The following DDX10 variants were observed in gnomAD, a reference collection of about 807,000 sequenced individuals.
The protein encoded by DDX10 is probable ATP-dependent RNA helicase DDX10.
In DDX10, 74 loss-of-function variants were observed where a neutral mutation model predicts 104.3. The observed-to-expected ratio is 0.71, with a 90% CI of 0.59 to 0.86. The LOEUF (loss-of-function observed/expected upper bound fraction) is 0.86, where lower values mean the gene tolerates loss of function less well. Ranked by LOEUF, DDX10 falls within the 40% of genes least tolerant of loss-of-function variation. The pLI is 0.00. For missense variants in DDX10, 952 were observed against 1,040.0 expected (o/e 0.92, Z 1.16); for synonymous variants, 351 against 353.4 (o/e 0.99, Z 0.08).
At chr11:108,745,070 CCCCCTTCCCTTCCTTT>C (rs2094329855) in intron 13 of DDX10, among the ~76,000 whole-genome samples, 1 of 101,948 alleles carries the variant, frequency 9.8e-6, no homozygotes, top group South Asian at 4.7e-4. Flanking sequence ...CTTCCCCCTT[CCCCCTTCCCTTCCTTT>C]CCTTCTTCCT....
chr11:108,923,120 G>A (rs1231718294), intron 17 of DDX10, among the ~76,000 whole-genome samples: 1 of 152,170 alleles, frequency 6.6e-6, no homozygotes, highest in Admixed American at 6.5e-5. Flanking sequence ...ATAGATGTTA[G>A]GATTTGTTGT....
chr11:108,672,062 GA>G (rs55845865), intron 1 of DDX10, among the ~76,000 whole-genome samples: 28,925 of 68,852 alleles, frequency 0.42, 4,591 homozygotes, highest in Non-Finnish European at 0.5. Flanking sequence ...CTCCATCTCG[GA>G]AAAAAAAAAA....
At chr11:108,701,214 T>C (rs906793039) in intron 9 of DDX10, among the ~76,000 whole-genome samples, 1 of 152,152 alleles carries the variant, frequency 6.6e-6, no homozygotes, top group Non-Finnish European at 1.5e-5. Context: ...AGCTCTCCTT[T>C]GTACCATGTT....
At chr11:108,705,029 C>A (rs1454781667) in intron 9 of DDX10, among the ~76,000 whole-genome samples, 2 of 152,138 alleles carry the variant, frequency 1.3e-5, no homozygotes, top group African/African-American at 2.4e-5. Flanking sequence ...GTTTTTCCTT[C>A]CAGCATTTGA....
chr11:108,737,007 G>A (rs1016103261), intron 13 of DDX10, among the ~76,000 whole-genome samples: 3 of 152,134 alleles, frequency 2.0e-5, no homozygotes, highest in Admixed American at 1.3e-4. Context: ...CTTTGAATCA[G>A]GTAGCACTTC....
intron 13 of DDX10, among the ~76,000 whole-genome samples, chr11:108,812,979 T>TAAAAAAAAAAAAAAAAAAAAAAAAAA (rs60528070): frequency 4.5e-5 from 3 of 66,476 alleles, no homozygotes; most frequent in East Asian, 5.2e-4. Context: ...GACTCCATCT[T>TAAAAAAAAAAAAAAAAAAAAAAAAAA]AAAAAAAAAA....
At chr11:108,913,768 A>G (rs1343622953) in intron 16 of DDX10, among the ~76,000 whole-genome samples, 1 of 152,228 alleles carries the variant, frequency 6.6e-6, no homozygotes, top group Admixed American at 6.5e-5. Context: ...ATGTGGCTAG[A>G]AAGTACATAC....
At chr11:108,703,355 G>A (rs2094271236) in intron 9 of DDX10, among the ~76,000 whole-genome samples, 1 of 87,894 alleles carries the variant, frequency 1.1e-5, no homozygotes, top group African/African-American at 4.9e-5. Flanking sequence ...TTTTGAGGTG[G>A]AGTCTCACTC....
intron 6 of DDX10, among the ~76,000 whole-genome samples, chr11:108,688,276 A>G (rs1365273681): frequency 6.6e-6 from 1 of 152,218 alleles, no homozygotes; most frequent in Non-Finnish European, 1.5e-5. Flanking sequence ...TTTTTCTCCA[A>G]CATTTTATAA....
At chr11:108,685,438 C>T (rs1193596265) in intron 6 of DDX10, among the ~76,000 whole-genome samples, 1 of 151,738 alleles carries the variant, frequency 6.6e-6, no homozygotes, top group Admixed American at 6.6e-5. Context: ...GTCTGGCACT[C>T]CCTAGTGAGA....
intron 13 of DDX10, among the ~76,000 whole-genome samples, chr11:108,788,635 T>C (rs547958879): frequency 6.6e-6 from 1 of 152,362 alleles, no homozygotes; most frequent in African/African-American, 2.4e-5. Context: ...ACTGCTGGGA[T>C]GACAGGCGTA....
chr11:108,809,003 G>C (rs753624093), intron 13 of DDX10, among the ~76,000 whole-genome samples: 1 of 151,896 alleles, frequency 6.6e-6, no homozygotes, highest in Non-Finnish European at 1.5e-5. Context: ...CATTCTAACT[G>C]TAATAGTGGA....
intron 8 of DDX10, 72 bp from the exon 9 acceptor site, chr11:108,693,444 T>C (rs1020965451): frequency 1.8e-5 from 19 of 1,077,318 alleles, no homozygotes; most frequent in Non-Finnish European, 2.8e-5. Flanking sequence ...GCAAGCAATA[T>C]TTTAAGATAA....
At chr11:108,768,028 C>T (rs1205119061) in intron 13 of DDX10, 3 of 152,342 alleles carry the variant, frequency 2.0e-5, no homozygotes, top group South Asian at 2.1e-4. Context: ...TTCCATATGA[C>T]TTTCTTAATA....
intron 13 of DDX10, among the ~76,000 whole-genome samples, chr11:108,734,467 TTA>T (rs1391618133): frequency 6.6e-6 from 1 of 152,182 alleles, no homozygotes; most frequent in Admixed American, 6.6e-5. Flanking sequence ...TTGAGTTGCT[TTA>T]TGTATTTTTT....
At chr11:108,863,432 T>A (rs1268451046) in intron 16 of DDX10, among the ~76,000 whole-genome samples, 2 of 152,208 alleles carry the variant, frequency 1.3e-5, no homozygotes, top group African/African-American at 4.8e-5. Flanking sequence ...ATTTTACCTA[T>A]CTTGATTTTC....
intron 17 of DDX10, among the ~76,000 whole-genome samples, chr11:108,936,416 G>A (rs755313436): frequency 7.2e-5 from 11 of 151,920 alleles, no homozygotes; most frequent in Non-Finnish European, 1.3e-4. Flanking sequence ...AGTAATTGAC[G>A]TATACCTAGC....
chr11:108,837,264 G>T (rs569176109), intron 13 of DDX10, among the ~76,000 whole-genome samples: 98 of 152,314 alleles, frequency 6.4e-4, no homozygotes, highest in Admixed American at 5.9e-3. Flanking sequence ...GATAGAGCTT[G>T]TGCTCAAATA....
intron 16 of DDX10, among the ~76,000 whole-genome samples, chr11:108,876,179 G>T (rs765631626): frequency 6.6e-6 from 1 of 152,138 alleles, no homozygotes; most frequent in East Asian, 1.9e-4. Context: ...AACTATTTGT[G>T]TATTTCTGAT....
Sources: allele counts gnomAD v4.1 joint callset (sites outside exome capture counted in the v4.1 genomes callset), GRCh38; gene constraint gnomAD v4.1.1; transcripts MANE v1.5; gene names NCBI Gene and HGNC (gene_info 2026-07-23, HGNC 2026-07-21).